The following POU3F3 variants were observed in gnomAD, a reference collection of about 807,000 sequenced individuals.
The protein encoded by POU3F3 is POU domain, class 3, transcription factor 3.
In POU3F3, 1 loss-of-function variant was observed where a neutral mutation model predicts 8.6. That is an observed-to-expected ratio of 0.12 (90% confidence interval 0.04 to 0.55). The LOEUF (loss-of-function observed/expected upper bound fraction) is 0.55. POU3F3 is among the 20% of genes least tolerant of loss of function. The pLI, the probability that POU3F3 is intolerant of heterozygous loss-of-function variation, is 0.91. For synonymous variants in POU3F3, 418 were observed against 327.4 expected (o/e 1.28, Z -2.99); for missense variants, 577 against 690.7 (o/e 0.84, Z 1.84).
downstream of POU3F3, among the ~76,000 whole-genome samples, chr2:104,860,661 G>T (rs552242184): frequency 2.7e-5 from 4 of 150,284 alleles, no homozygotes; most frequent in East Asian, 2.0e-4. Context: ...CCAAGCCTCC[G>T]TCGCTCCCAC....
At chr2:104,921,263 AG>A in the POU3F3 span, among the ~76,000 whole-genome samples, 2 of 152,172 alleles carry the variant, frequency 1.3e-5, no homozygotes, top group African/African-American at 4.8e-5. Flanking sequence ...ATGTGCATGA[AG>A]GGGGTGCTGT....
At chr2:104,925,528 G>A in the POU3F3 span, among the ~76,000 whole-genome samples, 1 of 152,132 alleles carries the variant, frequency 6.6e-6, no homozygotes. Context: ...CAACTAAACA[G>A]AATCTCTCTG....
chr2:104,857,540 G>A lies in POU3F3; in HGVS notation c.*527G>A, dbSNP rs374079963. ...TTCTCCTCTTTGAAAAAAAGAGAGA[G>A]AGAGAGTCCCCTTTCCTTTCACTTT... On this transcript the variant is annotated 3_prime_UTR_variant, in exon 1 of 1. Coordinates refer to ENST00000361360, the MANE Select transcript of POU3F3 (RefSeq NM_006236.3). The A allele has an allele frequency of 1.3e-5, 2 of 153,696 alleles. No homozygotes were observed. The highest frequency in any genetic ancestry group is 2.9e-5 in the Non-Finnish European group (2 of 68,050). 9.5% of individuals were successfully genotyped at this position (153,696 alleles called of 1,614,324 possible). A position where few individuals can be genotyped will look rare whatever the true frequency, so the allele number is the denominator to read the frequency against.
the POU3F3 span, among the ~76,000 whole-genome samples, chr2:104,863,933 G>A: frequency 6.6e-6 from 1 of 152,212 alleles, no homozygotes; most frequent in African/African-American, 2.4e-5. Flanking sequence ...GGCGGCCGGC[G>A]GCTTTGTGGA....
At chr2:104,881,576 T>C in the POU3F3 span, among the ~76,000 whole-genome samples, 2 of 152,186 alleles carry the variant, frequency 1.3e-5, no homozygotes, top group African/African-American at 2.4e-5. Context: ...CCTCTCTCTC[T>C]ACACACATAC....
chr2:104,927,543 C>A, the POU3F3 span, among the ~76,000 whole-genome samples: 1 of 151,768 alleles, frequency 6.6e-6, no homozygotes, highest in Non-Finnish European at 1.5e-5. Flanking sequence ...TTGCTTGAGC[C>A]AAAGAGTTCG....
downstream of POU3F3, among the ~76,000 whole-genome samples, chr2:104,859,961 TGAG>T: frequency 6.6e-6 from 1 of 152,290 alleles, no homozygotes; most frequent in Middle Eastern, 3.4e-3. Flanking sequence ...ATTGGAAAGC[TGAG>T]GACTGGTCAG....
chr2:104,871,943 G>A, the POU3F3 span, among the ~76,000 whole-genome samples: 5 of 152,078 alleles, frequency 3.3e-5, no homozygotes, highest in South Asian at 4.1e-4. Context: ...GCCAGCGAAA[G>A]TTTCCCCCGC....
chr2:104,862,427 G>C (rs1676675549), downstream of POU3F3, among the ~76,000 whole-genome samples: 1 of 152,216 alleles, frequency 6.6e-6, no homozygotes, highest in Non-Finnish European at 1.5e-5. Context: ...AAGCCCTAGG[G>C]GTACAGGCGA....
the POU3F3 span, among the ~76,000 whole-genome samples, chr2:104,890,894 G>A: frequency 9.2e-5 from 14 of 152,322 alleles, no homozygotes; most frequent in South Asian, 2.9e-3. Flanking sequence ...GAGTCGGGAT[G>A]ACTACGGGAA....
At chr2:104,871,026 C>T in the POU3F3 span, among the ~76,000 whole-genome samples, 5 of 152,208 alleles carry the variant, frequency 3.3e-5, no homozygotes, top group African/African-American at 1.2e-4. Flanking sequence ...CTGGGTTCCC[C>T]ATTCTTCATT....
chr2:104,864,706 G>A, the POU3F3 span, among the ~76,000 whole-genome samples: 3 of 152,240 alleles, frequency 2.0e-5, no homozygotes, highest in Non-Finnish European at 4.4e-5. Flanking sequence ...GTCTTGGGGA[G>A]GAGGTGGGTG....
At chr2:104,895,889 A>C in the POU3F3 span, among the ~76,000 whole-genome samples, 1 of 152,210 alleles carries the variant, frequency 6.6e-6, no homozygotes, top group Non-Finnish European at 1.5e-5. Flanking sequence ...CCACGGGCTA[A>C]AGGCCAGCTA....
chr2:104,920,885 A>C, the POU3F3 span, among the ~76,000 whole-genome samples: 1 of 152,094 alleles, frequency 6.6e-6, no homozygotes, highest in Non-Finnish European at 1.5e-5. Flanking sequence ...TACAATCTCT[A>C]AGGTGTTACT....
the POU3F3 span, among the ~76,000 whole-genome samples, chr2:104,916,199 A>G: frequency 2.0e-5 from 3 of 152,134 alleles, no homozygotes; most frequent in Admixed American, 2.0e-4. Context: ...AGAGCTCAAG[A>G]TTTACAGAGC....
chr2:104,914,515 C>T, the POU3F3 span, among the ~76,000 whole-genome samples: 2 of 152,090 alleles, frequency 1.3e-5, no homozygotes, highest in Admixed American at 1.3e-4. Context: ...CTATATTTGC[C>T]CAACCAGAAC....
In POU3F3 at chr2:104,856,293, CG is replaced by C; in HGVS notation, c.787del (p.Asp263ThrfsTer106). On this transcript the variant is annotated frameshift_variant, in exon 1 of 1. Coordinates refer to ENST00000361360, the MANE Select transcript of POU3F3 (RefSeq NM_006236.3). LOFTEE classifies it high-confidence loss of function. The part of the protein sequence containing the change: ...QSLVHPGLVR[G>X]DTPELAEHHH... ...GCTTGGTGCACCCGGGGCTGGTGCG[CG>C]GGGACACGCCAGAGCTGGCCGAGCA... The C allele has an allele frequency of 6.8e-7, 1 of 1,481,026 alleles. No homozygotes were observed. 91.7% of individuals were successfully genotyped at this position (1,481,026 alleles called of 1,614,324 possible).
chr2:104,881,728 G>T, the POU3F3 span, among the ~76,000 whole-genome samples: 2 of 152,214 alleles, frequency 1.3e-5, no homozygotes. Context: ...AAACAATGGT[G>T]ATTTGTTGGG....
rs1676536687 is a variant in POU3F3 at position 104,855,532 on chromosome 2, C to T, written c.22C>T (p.Pro8Ser). ...CGGCATGGCCACGGCGGCTTCTAACCCCTACCTGCCGGGGAACAGCCTGCT... is the reference window on the plus strand; with the variant it reads ...CGGCATGGCCACGGCGGCTTCTAACTCCTACCTGCCGGGGAACAGCCTGCT... MATAASN[P>S]YLPGNSLLAA... is the part of the protein sequence containing the mutation. The change falls in exon 1 of 1, where the codon CCC (proline) becomes TCC (serine). Residue 8 changes from proline to serine, a missense_variant. This residue lies in a region of POU3F3 where 484 missense variants were observed against 422.6 expected (regional missense o/e 1.15). Transcript: ENST00000361360. 9.6e-7 allele frequency: 1 copy of T among 1,044,892 alleles called. No individual in the cohort carries two copies. Among genetic ancestry groups the T allele is most frequent in the Non-Finnish European group, 1.2e-6 (1 of 864,326 alleles). The allele number at this position is 1,044,892 out of a possible 1,614,324, so 64.7% of individuals were successfully genotyped here. A position where few individuals can be genotyped will look rare whatever the true frequency, so the allele number is the denominator to read the frequency against.
Sources: allele counts gnomAD v4.1 joint callset (sites outside exome capture counted in the v4.1 genomes callset), GRCh38; gene constraint gnomAD v4.1.1; regional missense constraint gnomAD v4.1.1; transcripts MANE v1.5; gene names NCBI Gene and HGNC (gene_info 2026-07-23, HGNC 2026-07-21).